PIWIL1: variants seen among roughly 807,000 people sequenced by gnomAD.
The protein encoded by PIWIL1 is piwi-like protein 1.
A neutral mutation model predicts 114.4 loss-of-function variants in PIWIL1; 73 were observed. The ratio of observed to expected loss-of-function variants is 0.64; its 90% CI spans 0.53 to 0.78. The LOEUF (loss-of-function observed/expected upper bound fraction) is 0.78, where lower values mean the gene tolerates loss of function less well. PIWIL1 is among the 30% of genes least tolerant of loss of function. The probability of loss-of-function intolerance (pLI) is 0.00; values close to 1 mark genes in which losing one functional copy is unlikely to be tolerated. For missense variants in PIWIL1, 723 were observed against 1,063.1 expected (o/e 0.68, Z 4.45); for synonymous variants, 375 against 369.0 (o/e 1.02, Z -0.19).
chr12:130,374,522 G>A (rs2073852116), downstream of PIWIL1, among the ~76,000 whole-genome samples: 1 of 152,144 alleles, frequency 6.6e-6, no homozygotes, highest in South Asian at 2.1e-4. Context: ...GGAGTAAGAT[G>A]ACTCTTCTCT....
Position 130,354,084 on chromosome 12 carries a change from T to C in PIWIL1, c.1045-453T>C, listed in dbSNP as rs1593101419. Among the ~76,000 whole-genome samples the C allele has an allele frequency of 4.6e-5, 7 of 152,334 alleles. No individual in the cohort carries two copies. In the South Asian group the frequency reaches 1.5e-3, roughly 32 times the overall value. ...ATAAAAAACTTTTTCTGATTAAACC[T>C]GCCCTGTAGCGTAGGAACTTCTTCC... On this transcript the variant is annotated intron_variant, in intron 9 of 20. Coordinates refer to ENST00000245255, the MANE Select transcript of PIWIL1 (RefSeq NM_004764.5).
At chr12:130,367,380 T>G (rs190029419) in intron 19 of PIWIL1, 122 bp downstream of exon 19, 21 of 980,108 alleles carry the variant, frequency 2.1e-5, no homozygotes, top group Admixed American at 3.0e-5. Context: ...TTATAAACAT[T>G]AATTTTTTCA....
chr12:130,346,336 T>C (rs563603514), intron 4 of PIWIL1, 34 bp from the exon 5 acceptor site: 2 of 1,493,344 alleles, frequency 1.3e-6, no homozygotes, highest in East Asian at 2.3e-5. Flanking sequence ...ATAAACTTGA[T>C]ATTTTGTTAA....
At chr12:130,386,026 C>T in the PIWIL1 span, among the ~76,000 whole-genome samples, 24 of 152,260 alleles carry the variant, frequency 1.6e-4, no homozygotes, top group South Asian at 4.1e-3. Flanking sequence ...TCTGAATCTC[C>T]CTGTGCAGGT....
At chr12:130,377,411 G>A (rs374743919), downstream of PIWIL1, among the ~76,000 whole-genome samples, 11 of 152,118 alleles carry the variant, frequency 7.2e-5, no homozygotes, top group South Asian at 4.1e-4. Context: ...CCCTAATGTC[G>A]GTGCGCACGC....
At chr12:130,370,788 C>T (rs888417993) in intron 19 of PIWIL1, among the ~76,000 whole-genome samples, 2 of 152,164 alleles carry the variant, frequency 1.3e-5, no homozygotes, top group Non-Finnish European at 2.9e-5. Flanking sequence ...TGAAGCTCGA[C>T]CCACTCGCTG....
chr12:130,354,857 A>T, intron 10 of PIWIL1, 31 bp from the exon 11 acceptor site: 1 of 1,494,976 alleles, frequency 6.7e-7, no homozygotes, highest in Non-Finnish European at 9.3e-7. Flanking sequence ...TTATTTCTTT[A>T]ACCATATGCC....
intron 1 of PIWIL1, among the ~76,000 whole-genome samples, chr12:130,341,507 G>C (rs2072917820): frequency 6.6e-6 from 1 of 152,228 alleles, no homozygotes; most frequent in South Asian, 2.1e-4. Context: ...CTAAGAAGCT[G>C]ACTTCAAGTT....
the PIWIL1 span, among the ~76,000 whole-genome samples, chr12:130,379,058 G>A: frequency 6.6e-6 from 1 of 152,214 alleles, no homozygotes; most frequent in Non-Finnish European, 1.5e-5. Flanking sequence ...AAAAAAGGCT[G>A]CCAAAGTTCT....
In PIWIL1 at chr12:130,338,061, G is replaced by C. The variant is rs1005948422; in HGVS notation, c.-98G>C. ...GGAGGTCCTGGGAGGTCGGCGGCGC[G>C]GAGGGATCTCCGCGGGAGCCGTTGG... On this transcript the variant is annotated 5_prime_UTR_variant, in exon 1 of 21. Coordinates refer to ENST00000245255, the MANE Select transcript of PIWIL1 (RefSeq NM_004764.5). The C allele has an allele frequency of 5.4e-6, 1 of 183,532 alleles. No individual in the cohort carries two copies. The allele number at this position is 183,532 out of a possible 1,614,324, so 11.4% of individuals were successfully genotyped here. A position where few individuals can be genotyped will look rare whatever the true frequency, so the allele number is the denominator to read the frequency against.
chr12:130,400,632 CAT>C, the PIWIL1 span, among the ~76,000 whole-genome samples: 1 of 152,118 alleles, frequency 6.6e-6, no homozygotes, highest in East Asian at 1.9e-4. Flanking sequence ...TAGGAAATGA[CAT>C]AAAGAGCCTA....
the PIWIL1 span, among the ~76,000 whole-genome samples, chr12:130,393,077 T>G: frequency 1.4e-5 from 2 of 146,376 alleles, no homozygotes; most frequent in Non-Finnish European, 3.0e-5. Context: ...AATGTTGTGA[T>G]GACCCAGTCA....
At chr12:130,370,897 C>T (rs150483215) in intron 19 of PIWIL1, among the ~76,000 whole-genome samples, 23 of 152,226 alleles carry the variant, frequency 1.5e-4, no homozygotes, top group Non-Finnish European at 3.2e-4. Context: ...TCGTTTTTAG[C>T]GCCCGTAACA....
At chr12:130,393,554 G>T in the PIWIL1 span, among the ~76,000 whole-genome samples, 1 of 152,138 alleles carries the variant, frequency 6.6e-6, no homozygotes, top group African/African-American at 2.4e-5. Context: ...AATACTGAAT[G>T]TTGTGATGAC....
the PIWIL1 span, among the ~76,000 whole-genome samples, chr12:130,415,367 A>C: frequency 6.6e-6 from 1 of 152,222 alleles, no homozygotes; most frequent in African/African-American, 2.4e-5. Flanking sequence ...TGATTAAAAA[A>C]ACCCTCAACA....
chr12:130,360,629 A>G (rs71466499), intron 14 of PIWIL1, among the ~76,000 whole-genome samples: 3,459 of 152,260 alleles, frequency 0.023, 46 homozygotes, highest in Middle Eastern at 0.051. Context: ...GCAAAACTCC[A>G]TCTCAAAAAC....
the PIWIL1 span, among the ~76,000 whole-genome samples, chr12:130,421,209 C>G: frequency 9.2e-5 from 14 of 152,344 alleles, no homozygotes; most frequent in South Asian, 6.2e-4. Flanking sequence ...ATTTGAGAGA[C>G]ACACACTAGG....
Position 130,346,458 on chromosome 12 carries a change from C to T in PIWIL1, c.405C>T (p.Asp135=). 3.1e-6 allele frequency: 5 copies of T among 1,613,838 alleles called. No individual in the cohort carries two copies. Among genetic ancestry groups the T allele is most frequent in the Non-Finnish European group, 4.2e-6 (5 of 1,179,692 alleles). ...GGGCCTTATATCAGTATCACATTGA[C>T]TATAACCCACTGATGGAAGCCAGAA... ...PQWALYQYHI[D]YNPLMEARRL... Residue 135 remains aspartate, a synonymous_variant, in exon 5 of 21, where the codon GAC becomes GAT. Transcript: ENST00000245255.
chr12:130,419,237 C>T, the PIWIL1 span, among the ~76,000 whole-genome samples: 1 of 152,180 alleles, frequency 6.6e-6, no homozygotes, highest in Non-Finnish European at 1.5e-5. The surrounding 1 kb of genome is among the most constrained non-coding windows in gnomAD (Gnocchi z 4.3). Flanking sequence ...TTACCTACAG[C>T]TGTCTGTCTG....
Sources: gnomAD v4.1 joint callset for allele counts (sites outside exome capture counted in the v4.1 genomes callset) on GRCh38, gnomAD v4.1.1 for gene constraint, Gnocchi (gnomAD v3.1) non-coding constraint, MANE v1.5 for transcripts, NCBI Gene and HGNC (gene_info 2026-07-23, HGNC 2026-07-21) for gene names.